Variants in ANK3 observed in about 807,000 individuals in gnomAD.
The protein encoded by ANK3 is ankyrin 3, also known as ankyrin-3.
Under a neutral mutation model 370.9 loss-of-function variants are expected in ANK3, and 57 were observed. The ratio of observed to expected loss-of-function variants is 0.15; its 90% CI spans 0.12 to 0.19. The LOEUF is 0.19. Ranked by LOEUF, ANK3 falls within the 10% of genes least tolerant of loss-of-function variation. ANK3 has a pLI of 1.00. For synonymous variants in ANK3, 1,929 were observed against 1,946.3 expected, an observed-to-expected ratio of 0.99 and a Z score of 0.23; for missense variants, 4,439 against 5,302.1, an observed-to-expected ratio of 0.84 and a Z score of 5.06.
intron 1 of ANK3, among the ~76,000 whole-genome samples, chr10:60,288,417 T>C (rs1219241308): frequency 6.6e-6 from 1 of 152,164 alleles, no homozygotes; most frequent in Non-Finnish European, 1.5e-5. Context: ...CCTGAATTCA[T>C]GGTAGATGAA....
chr10:60,180,615 C>CAAAAAAAAAAAA (rs990463587), intron 18 of ANK3, among the ~76,000 whole-genome samples: 7 of 106,136 alleles, frequency 6.6e-5, no homozygotes, highest in East Asian at 2.9e-4. Context: ...AAAAAAAAAC[C>CAAAAAAAAAAAA]AAAAAAAAAA....
chr10:60,512,073 T>C (rs2076098947), intron 2 of ANK3, among the ~76,000 whole-genome samples: 1 of 152,040 alleles, frequency 6.6e-6, no homozygotes. Context: ...ACACATCACA[T>C]GTTTCCAGGA....
In ANK3 at chr10:60,477,644, G is replaced by A. The variant is rs147792306; in HGVS notation, c.96+137542C>T. Among the ~76,000 whole-genome samples the A allele has an allele frequency of 1.6e-4, 24 of 151,620 alleles. No individual in the cohort carries two copies. The East Asian group carries it at 4.6e-3, about 29-fold the overall frequency. On this transcript the variant is annotated intron_variant, in intron 2 of 43. Coordinates refer to the ANK3 transcript ENST00000373827. ...CACAGTAACATAATAATAAATGTTA[G>A]CTCCAGTTTGGTCAAGTCAATCTAA...
rs869144298 is a variant in ANK3 at position 60,246,255 on chromosome 10, CAA to C, written c.799-11471_799-11470del. Among the ~76,000 whole-genome samples, 122 of 92,664 alleles carry C rather than the reference CAA, an allele frequency of 1.3e-3. 4 individuals carry two copies. Among genetic ancestry groups the C allele is most frequent in the Middle Eastern group, 6.0e-3 (1 of 168 alleles). The allele number at this position is 92,664 out of a possible 152,430, so 60.8% of individuals were successfully genotyped here. A position where few individuals can be genotyped will look rare whatever the true frequency, so the allele number is the denominator to read the frequency against. ...TGGGCAACAGAGAGAAACCCTGTATCAAAAAAAAAAAAAAAAAAAAAAAAAAG... is the reference window on the plus strand; with the variant it reads ...TGGGCAACAGAGAGAAACCCTGTATCAAAAAAAAAAAAAAAAAAAAAAAAG... On this transcript the variant is annotated intron_variant, in intron 7 of 43. Coordinates refer to ENST00000280772, the MANE Select transcript of ANK3 (RefSeq NM_020987.5).
intron 2 of ANK3, among the ~76,000 whole-genome samples, chr10:60,411,145 G>A (rs1250887113): frequency 6.6e-6 from 1 of 152,184 alleles, no homozygotes; most frequent in Non-Finnish European, 1.5e-5. Context: ...ACATTGGACT[G>A]TGACGTGAAC....
At chr10:60,108,791 A>G (rs759990506) in intron 27 of ANK3, 39 bp downstream of exon 27, 1 of 1,565,970 alleles carries the variant, frequency 6.4e-7, no homozygotes, top group Non-Finnish European at 8.8e-7. Flanking sequence ...TCAAAGATGC[A>G]TTGTGAGGGC....
At chr10:60,305,726 AC>A (rs1157196064) in intron 1 of ANK3, among the ~76,000 whole-genome samples, 2 of 151,792 alleles carry the variant, frequency 1.3e-5, no homozygotes, top group Non-Finnish European at 2.9e-5. Context: ...CTTTCAACCC[AC>A]CCCCTGGCCA....
At chr10:60,206,344 G>A (rs1264996935) in intron 10 of ANK3, among the ~76,000 whole-genome samples, 1 of 152,098 alleles carries the variant, frequency 6.6e-6, no homozygotes. Flanking sequence ...ATAGTGGCGT[G>A]CACCTGTAAT....
intron 2 of ANK3, among the ~76,000 whole-genome samples, chr10:60,411,319 G>A (rs2063555936): frequency 1.3e-5 from 2 of 152,216 alleles, no homozygotes; most frequent in South Asian, 4.1e-4. Flanking sequence ...AGCAATAACT[G>A]TACTTTCTGG....
At chr10:60,181,285 A>T (rs1378151614) in intron 18 of ANK3, 44 bp downstream of exon 18, 1 of 1,542,310 alleles carries the variant, frequency 6.5e-7, no homozygotes, top group African/African-American at 1.4e-5. Flanking sequence ...TGCAGTCACC[A>T]AATGGACACA....
At chr10:60,117,760 G>A (rs1280792689) in intron 25 of ANK3, among the ~76,000 whole-genome samples, 2 of 152,194 alleles carry the variant, frequency 1.3e-5, no homozygotes, top group South Asian at 2.1e-4. Flanking sequence ...GTTGCAGTGA[G>A]CCGAGATTGC....
chr10:60,432,081 G>A (rs1177770470), intron 2 of ANK3, among the ~76,000 whole-genome samples: 1 of 152,146 alleles, frequency 6.6e-6, no homozygotes, highest in Admixed American at 6.5e-5. Flanking sequence ...TGCCATCCCT[G>A]TTTATAAATA....
chr10:60,546,053 A>C (rs2076956281), intron 2 of ANK3, among the ~76,000 whole-genome samples: 1 of 120,600 alleles, frequency 8.3e-6, no homozygotes, highest in Non-Finnish European at 1.9e-5. Context: ...TTTATTATTT[A>C]GAGACAAGGT....
chr10:60,572,694 G>A (rs970327151), intron 2 of ANK3: 18 of 1,426,920 alleles, frequency 1.3e-5, no homozygotes, highest in South Asian at 1.6e-5. Flanking sequence ...TCAGAGAGAC[G>A]CGGGCTGCTA....
At chr10:60,107,297 T>A (rs1452239647) in intron 27 of ANK3, among the ~76,000 whole-genome samples, 1 of 152,214 alleles carries the variant, frequency 6.6e-6, no homozygotes. Flanking sequence ...CACCTTATAA[T>A]TAAACATTAA....
chr10:60,213,446 A>C lies in ANK3; in HGVS notation c.962T>G (p.Leu321Arg). The change falls in exon 9 of 44, where the codon CTT (leucine) becomes CGT (arginine). Residue 321 changes from leucine to arginine, a missense_variant. By Grantham distance (102) the Leu-to-Arg change is moderately radical. Coordinates refer to ENST00000280772, the MANE Select transcript of ANK3 (RefSeq NM_020987.5). The stretch of plus-strand genomic sequence containing the variant: ...TGAAAGAATGGGGGCAGCTCGATCA[A>C]GCAACATTTCTACCACCTGCTCGTG... ...SGHEQVVEML[L>R]DRAAPILSKT... 6.2e-7 allele frequency: 1 copy of C among 1,612,762 alleles called. No homozygotes were observed. Among genetic ancestry groups the C allele is most frequent in the Non-Finnish European group, 8.5e-7 (1 of 1,179,290 alleles).
chr10:60,280,148 C>T (rs542329175), intron 1 of ANK3, among the ~76,000 whole-genome samples: 62 of 152,270 alleles, frequency 4.1e-4, no homozygotes, highest in African/African-American at 1.4e-3. Flanking sequence ...ACTGCAGCCT[C>T]GAACTCCCGG....
chr10:60,251,737 T>C (rs2097669483), intron 7 of ANK3, among the ~76,000 whole-genome samples: 1 of 152,164 alleles, frequency 6.6e-6, no homozygotes, highest in African/African-American at 2.4e-5. Flanking sequence ...TAACTTCAGT[T>C]TCCTGATTTC....
At chr10:60,507,398 C>G (rs1421992352) in intron 2 of ANK3, 1 of 151,854 alleles carries the variant, frequency 6.6e-6, no homozygotes, top group Non-Finnish European at 1.5e-5. Flanking sequence ...TTGAGCCACT[C>G]AAATAAAATT....
Sources: allele counts gnomAD v4.1 joint callset (sites outside exome capture counted in the v4.1 genomes callset), GRCh38; gene constraint gnomAD v4.1.1; transcripts MANE v1.5; gene names NCBI Gene and HGNC (gene_info 2026-07-23, HGNC 2026-07-21).